The following MSRA variants were observed in gnomAD, a reference collection of about 807,000 sequenced individuals.
MSRA encodes mitochondrial peptide methionine sulfoxide reductase.
MSRA carries 54 observed loss-of-function variants against 31.3 expected under a neutral mutation model. The observed-to-expected ratio is 1.73, with a 90% CI of 1.39 to 2.17. MSRA has a LOEUF of 2.17. MSRA is among the 30% of genes most tolerant of loss of function. MSRA has a pLI of 0.00. For missense variants in MSRA, 507 were observed against 300.9 expected, an observed-to-expected ratio of 1.69 and a Z score of -5.07; for synonymous variants, 169 against 116.5, an observed-to-expected ratio of 1.45 and a Z score of -2.90.
At chr8:10,146,054 A>G (rs1190090687) in intron 1 of MSRA, among the ~76,000 whole-genome samples, 1 of 152,238 alleles carries the variant, frequency 6.6e-6, no homozygotes, top group Admixed American at 6.5e-5. Context: ...ACATGCAAAC[A>G]GTGCGCTGTA....
chr8:10,103,956 C>T (rs73528936), intron 1 of MSRA, among the ~76,000 whole-genome samples: 7,789 of 152,124 alleles, frequency 0.051, 282 homozygotes, highest in South Asian at 0.11. Context: ...ATACATGTAG[C>T]CATAAACAAT....
At chr8:10,187,144 A>G (rs938936983) in intron 1 of MSRA, among the ~76,000 whole-genome samples, 1 of 152,192 alleles carries the variant, frequency 6.6e-6, no homozygotes, top group African/African-American at 2.4e-5. Flanking sequence ...ATCTTTCCTC[A>G]GTGTGAGAAC....
At chr8:10,257,006 A>G (rs1420892538) in intron 3 of MSRA, among the ~76,000 whole-genome samples, 2 of 152,234 alleles carry the variant, frequency 1.3e-5, no homozygotes, top group African/African-American at 4.8e-5. Context: ...AAATGTTAAA[A>G]TATTTTAAAA....
At chr8:10,349,460 T>A (rs1449037680) in intron 5 of MSRA, among the ~76,000 whole-genome samples, 3 of 152,230 alleles carry the variant, frequency 2.0e-5, no homozygotes, top group Non-Finnish European at 4.4e-5. Context: ...CCCTGACTCT[T>A]CTGTGAGGCC....
At chr8:10,417,812 A>C (rs1399833723) in intron 5 of MSRA, among the ~76,000 whole-genome samples, 1 of 104,242 alleles carries the variant, frequency 9.6e-6, no homozygotes, top group Non-Finnish European at 2.2e-5. Flanking sequence ...ACGCAGGACA[A>C]GCATAGCATG....
intron 1 of MSRA, among the ~76,000 whole-genome samples, chr8:10,084,548 C>A (rs1259850422): frequency 6.6e-6 from 1 of 152,210 alleles, no homozygotes; most frequent in Non-Finnish European, 1.5e-5. Flanking sequence ...TGGGTTTAGT[C>A]CCAACCCTGA....
chr8:10,209,091 C>G (rs1334174393), intron 2 of MSRA, among the ~76,000 whole-genome samples: 1 of 152,126 alleles, frequency 6.6e-6, no homozygotes, highest in Non-Finnish European at 1.5e-5. Context: ...ACATACTGAT[C>G]AGTGATGAGA....
chr8:10,069,001 T>G (rs1797601042), intron 1 of MSRA, among the ~76,000 whole-genome samples: 1 of 152,248 alleles, frequency 6.6e-6, no homozygotes, highest in Admixed American at 6.5e-5. Context: ...ACATATTTTA[T>G]TAATACCAAA....
intron 1 of MSRA, among the ~76,000 whole-genome samples, chr8:10,158,519 C>T (rs1563164022): frequency 6.6e-6 from 1 of 152,236 alleles, no homozygotes; most frequent in Non-Finnish European, 1.5e-5. Context: ...TTTCAGGATT[C>T]ATCTGTGTTG....
intron 5 of MSRA, among the ~76,000 whole-genome samples, chr8:10,357,530 G>A (rs1318249595): frequency 6.6e-6 from 1 of 152,086 alleles, no homozygotes; most frequent in Non-Finnish European, 1.5e-5. Context: ...TTGACCAGCC[G>A]GAGCTCCTTC....
At chr8:10,359,749 G>A (rs964917038) in intron 5 of MSRA, among the ~76,000 whole-genome samples, 1 of 152,000 alleles carries the variant, frequency 6.6e-6, no homozygotes, top group Non-Finnish European at 1.5e-5. Context: ...GATCTCAGAT[G>A]GAGGATGGTC....
intron 5 of MSRA, among the ~76,000 whole-genome samples, chr8:10,406,052 G>A (rs958601276): frequency 1.3e-5 from 2 of 152,248 alleles, no homozygotes; most frequent in African/African-American, 2.4e-5. Context: ...ATGAGCTGAT[G>A]GGGTCAGAAC....
At chr8:10,309,349 C>T (rs890014590) in intron 4 of MSRA, among the ~76,000 whole-genome samples, 1 of 152,214 alleles carries the variant, frequency 6.6e-6, no homozygotes, top group Non-Finnish European at 1.5e-5. Context: ...GCGCCTGGTG[C>T]GGAATAAGCG....
intron 5 of MSRA, among the ~76,000 whole-genome samples, chr8:10,404,190 C>A (rs189798725): frequency 9.5e-4 from 144 of 152,268 alleles, no homozygotes; most frequent in Non-Finnish European, 1.5e-3. Flanking sequence ...CCTCATTTCC[C>A]CACAATGCCG....
intron 2 of MSRA, among the ~76,000 whole-genome samples, chr8:10,231,996 T>C (rs553505029): frequency 6.6e-6 from 1 of 152,228 alleles, no homozygotes; most frequent in African/African-American, 2.4e-5. Flanking sequence ...AAAGCCAGTT[T>C]GTTACTTTGA....
intron 4 of MSRA, among the ~76,000 whole-genome samples, chr8:10,309,626 G>A (rs985216817): frequency 2.3e-4 from 35 of 152,180 alleles, no homozygotes; most frequent in African/African-American, 5.5e-4. Flanking sequence ...TTTGCCCCCC[G>A]TGGGCTGCAC....
At chr8:10,255,962 A>G (rs530776014) in intron 3 of MSRA, among the ~76,000 whole-genome samples, 3 of 152,134 alleles carry the variant, frequency 2.0e-5, no homozygotes, top group African/African-American at 4.8e-5. Flanking sequence ...TGAGTGGTGC[A>G]TTTGTTACAC....
intron 1 of MSRA, among the ~76,000 whole-genome samples, chr8:10,055,320 A>G (rs1172820176): frequency 2.0e-5 from 3 of 152,258 alleles, no homozygotes; most frequent in Admixed American, 6.5e-5. Context: ...GGAAAATACA[A>G]TAAGGGTGAA....
rs1239281115 is a variant in MSRA at position 10,422,638 on chromosome 8, AAG to A, written c.544-5502_544-5501del. 2.0e-5 allele frequency among the ~76,000 whole-genome samples: 3 copies of A among 152,186 alleles called. No individual in the cohort carries two copies. In the East Asian group the frequency reaches 5.8e-4, roughly 29 times the overall value. ...AAAAGTCAAGATACTTGGAGTCAGT[AAG>A]AGAGAGAAAAGTTGCCGGGAGCTAG... On this transcript the variant is annotated intron_variant, in intron 5 of 5. Transcript: ENST00000317173.
Sources: allele counts gnomAD v4.1 joint callset (sites outside exome capture counted in the v4.1 genomes callset), GRCh38; gene constraint gnomAD v4.1.1; transcripts MANE v1.5; gene names NCBI Gene and HGNC (gene_info 2026-07-23, HGNC 2026-07-21).